The following ZNF366 variants were observed in gnomAD, a reference collection of about 807,000 sequenced individuals.
The protein encoded by ZNF366 is dendritic cell-specific transcript protein.
A neutral mutation model predicts 47.2 loss-of-function variants in ZNF366; 20 were observed. That is an observed-to-expected ratio of 0.42 (90% CI 0.30 to 0.62). ZNF366 has a LOEUF of 0.62. ZNF366 is among the 20% of genes least tolerant of loss of function. ZNF366 has a pLI of 0.16. For synonymous variants in ZNF366, 421 were observed against 395.1 expected, an observed-to-expected ratio of 1.07 and a Z score of -0.78; for missense variants, 987 against 976.3, an observed-to-expected ratio of 1.01 and a Z score of -0.15.
intron 3 of ZNF366, 38 bp from the exon 4 acceptor site, chr5:72,447,455 C>T: frequency 1.9e-6 from 3 of 1,608,624 alleles, no homozygotes. Flanking sequence ...GTTACTCTGC[C>T]CGAGTGAAGC....
intron 1 of ZNF366, among the ~76,000 whole-genome samples, chr5:72,464,500 AT>A (rs1743392549): frequency 6.6e-6 from 1 of 152,092 alleles, no homozygotes; most frequent in South Asian, 2.1e-4. Flanking sequence ...TATTTTCAGC[AT>A]TTGAATTTTT....
At chr5:72,445,975 T>C (rs1376878556) in intron 4 of ZNF366, among the ~76,000 whole-genome samples, 1 of 152,246 alleles carries the variant, frequency 6.6e-6, no homozygotes, top group Non-Finnish European at 1.5e-5. Context: ...GTAAAAAACC[T>C]GAAAGCTACA....
intron 1 of ZNF366, among the ~76,000 whole-genome samples, chr5:72,502,849 C>A (rs182998542): frequency 9.2e-5 from 14 of 152,290 alleles, no homozygotes; most frequent in Non-Finnish European, 1.8e-4. Flanking sequence ...TTCCACCGGG[C>A]GCAGTAGCTC....
rs114577628 is a variant in ZNF366, at chr5:72,490,282, C to T, written c.-15+16969G>A. ...ACATCTACTGTGGAGATAAAAGCTC[C>T]TACCTAAAATTACTCTAGAAAACCA... On this transcript the variant is annotated intron_variant, in intron 1 of 4. Coordinates refer to ENST00000318442, the MANE Select transcript of ZNF366 (RefSeq NM_152625.3). 7.6e-3 allele frequency among the ~76,000 whole-genome samples: 1,150 copies of T among 152,286 alleles called. 10 individuals are homozygous for T. The highest frequency in any genetic ancestry group is 0.048 in the Middle Eastern group (14 of 294).
intron 1 of ZNF366, among the ~76,000 whole-genome samples, chr5:72,505,402 T>A (rs1264123342): frequency 6.6e-6 from 1 of 152,234 alleles, no homozygotes; most frequent in Admixed American, 6.5e-5. Flanking sequence ...TTGAATACAC[T>A]TTTTTCTTTA....
chr5:72,468,962 T>C (rs1743489624), intron 1 of ZNF366, among the ~76,000 whole-genome samples: 2 of 152,254 alleles, frequency 1.3e-5, no homozygotes, highest in Admixed American at 1.3e-4. Context: ...TTAGAATATA[T>C]GTTGTTTGTT....
chr5:72,484,645 T>C (rs1303307501), intron 1 of ZNF366, among the ~76,000 whole-genome samples: 1 of 152,148 alleles, frequency 6.6e-6, no homozygotes, highest in East Asian at 1.9e-4. Flanking sequence ...ACCTTTCAGA[T>C]ATCATAGAGG....
At chr5:72,451,466 C>G (rs527739915) in intron 3 of ZNF366, among the ~76,000 whole-genome samples, 1 of 152,230 alleles carries the variant, frequency 6.6e-6, no homozygotes, top group African/African-American at 2.4e-5. Context: ...TCCATTTTCT[C>G]TTCTGTATAA....
chr5:72,458,051 C>CT (rs1307575210), intron 2 of ZNF366, among the ~76,000 whole-genome samples: 1 of 116,402 alleles, frequency 8.6e-6, no homozygotes, highest in Non-Finnish European at 1.6e-5. Flanking sequence ...GAATCTCACT[C>CT]TGTTGCCCAG....
Position 72,461,141 on chromosome 5 carries a change from G to A in ZNF366, c.356C>T (p.Pro119Leu), listed in dbSNP as rs1580238012. The A allele has an allele frequency of 6.2e-7, 1 of 1,614,056 alleles. No homozygotes were observed. Among genetic ancestry groups the A allele is most frequent in the African/African-American group, 1.3e-5 (1 of 74,910 alleles). Residue 119 changes from proline to leucine, a missense_variant, in exon 2 of 5, where the codon CCC becomes CTC. Physicochemically the swap from Pro to Leu is moderately conservative, Grantham distance 98. Around this residue, in one of 3 missense-constraint regions of ZNF366, gnomAD observed 591 missense variants for 560.9 expected, o/e 1.05. Coordinates refer to ENST00000318442, the MANE Select transcript of ZNF366 (RefSeq NM_152625.3). The stretch of plus-strand genomic sequence containing the variant: ...CTGAGAGTCATACTTGGGGCGCGGG[G>A]GCTGCGGGAACAGCAAAGGGAGGTT... Reference protein sequence around the residue: ...LPNLPLLFPQPPRPKYDSQMI... With the variant: ...LPNLPLLFPQLPRPKYDSQMI...
Position 72,485,162 on chromosome 5 carries a change from G to A in ZNF366, c.-15+22089C>T, listed in dbSNP as rs529754989. Reference sequence around the variant, plus strand: ...TTATTGTATTCTCTTGATTAAATGCGGAAAAAATATTTTTCAACATTGACA... The same window carrying A: ...TTATTGTATTCTCTTGATTAAATGCAGAAAAAATATTTTTCAACATTGACA... On this transcript the variant is annotated intron_variant, in intron 1 of 4. Transcript: ENST00000318442. Among the ~76,000 whole-genome samples, 40 of 152,242 alleles carry A rather than the reference G, an allele frequency of 2.6e-4. 1 individual carries two copies. Among genetic ancestry groups the A allele is most frequent in the Admixed American group, 2.0e-3 (31 of 15,298 alleles).
At chr5:72,448,835 T>C (rs1561189370) in intron 3 of ZNF366, among the ~76,000 whole-genome samples, 1 of 152,104 alleles carries the variant, frequency 6.6e-6, no homozygotes, top group Non-Finnish European at 1.5e-5. Context: ...ATTTGGGGAG[T>C]TTAGCGTAGA....
At chr5:72,450,201 G>A (rs763030346) in intron 3 of ZNF366, among the ~76,000 whole-genome samples, 2 of 152,182 alleles carry the variant, frequency 1.3e-5, no homozygotes, top group East Asian at 3.8e-4. Context: ...AGACACTTCA[G>A]TCAACCTTAC....
At chr5:72,457,066 C>A (rs989012566) in intron 2 of ZNF366, among the ~76,000 whole-genome samples, 1 of 152,142 alleles carries the variant, frequency 6.6e-6, no homozygotes, top group Admixed American at 6.5e-5. Context: ...CCCAGAACAA[C>A]TTATATCCAC....
chr5:72,499,118 A>C (rs1744162895), intron 1 of ZNF366, among the ~76,000 whole-genome samples: 1 of 152,200 alleles, frequency 6.6e-6, no homozygotes, highest in African/African-American at 2.4e-5. Flanking sequence ...TTACCCACAA[A>C]ACTGGTGTCT....
At chr5:72,490,780 C>T (rs898458058) in intron 1 of ZNF366, among the ~76,000 whole-genome samples, 1 of 152,200 alleles carries the variant, frequency 6.6e-6, no homozygotes, top group African/African-American at 2.4e-5. Context: ...AAGATCCTCC[C>T]TATTTCCAAA....
At chr5:72,502,891 A>C (rs1744239012) in intron 1 of ZNF366, among the ~76,000 whole-genome samples, 1 of 152,214 alleles carries the variant, frequency 6.6e-6, no homozygotes, top group Non-Finnish European at 1.5e-5. Flanking sequence ...TGGGAGGCCA[A>C]GGCAGGTGGA....
At chr5:72,455,571 A>G (rs2112323308) in intron 3 of ZNF366, among the ~76,000 whole-genome samples, 1 of 152,228 alleles carries the variant, frequency 6.6e-6, no homozygotes, top group East Asian at 1.9e-4. Context: ...CTCTCTCCTC[A>G]TTTTAGAAGT....
chr5:72,498,138 A>G (rs1744147382), intron 1 of ZNF366, among the ~76,000 whole-genome samples: 1 of 152,154 alleles, frequency 6.6e-6, no homozygotes, highest in Non-Finnish European at 1.5e-5. Context: ...TCGAAAAAAA[A>G]ATATCTCTAC....
Sources: gnomAD v4.1 joint callset for allele counts (sites outside exome capture counted in the v4.1 genomes callset) on GRCh38, gnomAD v4.1.1 for gene constraint, gnomAD v4.1.1 regional missense constraint, MANE v1.5 for transcripts, NCBI Gene and HGNC (gene_info 2026-07-23, HGNC 2026-07-21) for gene names.